The following GALNTL6 variants were observed in gnomAD, a reference collection of about 807,000 sequenced individuals.
GALNTL6 encodes the protein polypeptide N-acetylgalactosaminyltransferase like 6.
Under a neutral mutation model 73.7 loss-of-function variants are expected in GALNTL6, and 46 were observed. The ratio of observed to expected loss-of-function variants is 0.62; its 90% confidence interval spans 0.49 to 0.80. The LOEUF (loss-of-function observed/expected upper bound fraction) is 0.80. Ranked by LOEUF, GALNTL6 falls within the 30% of genes least tolerant of loss-of-function variation. The probability of loss-of-function intolerance (pLI) is 0.00; values close to 1 mark genes in which losing one functional copy is unlikely to be tolerated. For missense variants in GALNTL6, 604 were observed against 755.0 expected, an observed-to-expected ratio of 0.80 and a Z score of 2.34; for synonymous variants, 259 against 263.7, an observed-to-expected ratio of 0.98 and a Z score of 0.17.
intron 5 of GALNTL6, among the ~76,000 whole-genome samples, chr4:172,751,233 G>A (rs966365257): frequency 6.6e-5 from 10 of 152,164 alleles, no homozygotes; most frequent in African/African-American, 2.4e-4. Context: ...TTCAAAGGCT[G>A]TTGAGACTTT....
chr4:172,715,219 T>C (rs931956271), intron 5 of GALNTL6, among the ~76,000 whole-genome samples: 1 of 152,156 alleles, frequency 6.6e-6, no homozygotes, highest in African/African-American at 2.4e-5. Context: ...CATTGTCCTT[T>C]ATGAAGGTAG....
chr4:172,288,274 G>A (rs1162772874), intron 3 of GALNTL6, among the ~76,000 whole-genome samples: 2 of 151,942 alleles, frequency 1.3e-5, no homozygotes, highest in Admixed American at 6.6e-5. Flanking sequence ...TGTATTTTTA[G>A]TAGAGACGGG....
chr4:172,571,547 A>G (rs1444593486), intron 5 of GALNTL6, among the ~76,000 whole-genome samples: 2 of 152,190 alleles, frequency 1.3e-5, no homozygotes, highest in Admixed American at 6.5e-5. Flanking sequence ...CAGAGACACT[A>G]TCGAACGTAT....
At chr4:172,276,799 C>A (rs956123639) in intron 3 of GALNTL6, among the ~76,000 whole-genome samples, 1 of 151,898 alleles carries the variant, frequency 6.6e-6, no homozygotes, top group Admixed American at 6.6e-5. Context: ...TATTATCATG[C>A]AGTATATTTC....
chr4:172,738,171 C>T (rs556230098), intron 5 of GALNTL6, among the ~76,000 whole-genome samples: 6 of 152,322 alleles, frequency 3.9e-5, no homozygotes, highest in African/African-American at 1.4e-4. Flanking sequence ...AATTTGTTGA[C>T]AACCTCAATT....
chr4:171,880,412 T>G (rs951530265), intron 2 of GALNTL6, among the ~76,000 whole-genome samples: 1 of 152,230 alleles, frequency 6.6e-6, no homozygotes, highest in Non-Finnish European at 1.5e-5. Context: ...AATCAGATGT[T>G]TGTTATTCCT....
chr4:172,044,212 C>A (rs1370542531), intron 2 of GALNTL6, among the ~76,000 whole-genome samples: 1 of 151,886 alleles, frequency 6.6e-6, no homozygotes, highest in African/African-American at 2.4e-5. Flanking sequence ...TCCTTCTGGG[C>A]ACTTCCTATT....
intron 10 of GALNTL6, among the ~76,000 whole-genome samples, chr4:172,956,046 T>G (rs946928458): frequency 1.3e-5 from 2 of 152,186 alleles, no homozygotes; most frequent in African/African-American, 4.8e-5. Flanking sequence ...GGCTTAGCTT[T>G]GGCTCAGAGG....
intron 5 of GALNTL6, among the ~76,000 whole-genome samples, chr4:172,635,107 A>G (rs903500319): frequency 3.3e-5 from 5 of 152,202 alleles, no homozygotes; most frequent in Admixed American, 6.5e-5. Flanking sequence ...TTCAGTAATC[A>G]TGAAGCACTA....
intron 2 of GALNTL6, among the ~76,000 whole-genome samples, chr4:172,139,532 T>C (rs1182404482): frequency 6.6e-6 from 1 of 152,200 alleles, no homozygotes; most frequent in African/African-American, 2.4e-5. Flanking sequence ...GTAACCTTAG[T>C]TCCTGATAGA....
intron 5 of GALNTL6, among the ~76,000 whole-genome samples, chr4:172,614,434 C>T (rs887594779): frequency 9.9e-5 from 15 of 152,020 alleles, no homozygotes; most frequent in Admixed American, 3.3e-4. Context: ...TATTCTTTTT[C>T]CTATGTTTAG....
intron 2 of GALNTL6, among the ~76,000 whole-genome samples, chr4:172,038,159 C>T (rs1218064706): frequency 1.3e-5 from 2 of 151,600 alleles, no homozygotes; most frequent in African/African-American, 4.8e-5. Flanking sequence ...TTTCTCAGTC[C>T]TCTCTTACTC....
In GALNTL6 at chr4:171,853,053, C is replaced by T. The variant is rs1394604952; in HGVS notation, c.138+38335C>T. Among the ~76,000 whole-genome samples the T allele has an allele frequency of 2.7e-5, 3 of 113,178 alleles. 1 individual carries two copies. The highest frequency in any genetic ancestry group is 5.1e-5 in the Non-Finnish European group (3 of 58,604). The allele number at this position is 113,178 out of a possible 152,430, so 74.2% of individuals were successfully genotyped here. A position where few individuals can be genotyped will look rare whatever the true frequency, so the allele number is the denominator to read the frequency against. ...TTTTTTTTTGTATTTTTAGTAGAGA[C>T]GGGGTTTCACCGTGTTAGCCAGGAT... On this transcript the variant is annotated intron_variant, in intron 2 of 12. Transcript: ENST00000506823.
At chr4:172,496,320 A>T (rs953834256) in intron 5 of GALNTL6, among the ~76,000 whole-genome samples, 6 of 152,186 alleles carry the variant, frequency 3.9e-5, no homozygotes, top group Non-Finnish European at 7.3e-5. Context: ...AATTTATGAG[A>T]ATTGGCTAAA....
rs148789876 is a variant in GALNTL6 at position 172,807,032 on chromosome 4, A to T, written c.554-2329A>T. The stretch of plus-strand genomic sequence containing the variant: ...TGTATTGGTCACTCATCGCTTAGTC[A>T]TTGCCTTTGATTGTGCAGTGGTGTC... On this transcript the variant is annotated intron_variant, in intron 5 of 12. Coordinates refer to ENST00000506823, the MANE Select transcript of GALNTL6 (RefSeq NM_001034845.3). Among the ~76,000 whole-genome samples the T allele has an allele frequency of 6.2e-4, 95 of 152,328 alleles. 1 individual carries two copies. In the East Asian group the frequency reaches 0.014, roughly 23 times the overall value.
At chr4:172,143,928 C>G (rs1733863126) in intron 2 of GALNTL6, among the ~76,000 whole-genome samples, 1 of 151,994 alleles carries the variant, frequency 6.6e-6, no homozygotes, top group Non-Finnish European at 1.5e-5. Context: ...TCTGGAGGAC[C>G]TGGATTTTAT....
intron 5 of GALNTL6, among the ~76,000 whole-genome samples, chr4:172,399,321 G>C (rs1487165065): frequency 6.6e-6 from 1 of 151,650 alleles, no homozygotes; most frequent in Non-Finnish European, 1.5e-5. Context: ...TTTATTTTTG[G>C]CTAGCCTATA....
At chr4:172,175,079 ATT>A (rs376274267) in intron 2 of GALNTL6, among the ~76,000 whole-genome samples, 3 of 146,158 alleles carry the variant, frequency 2.1e-5, no homozygotes, top group Non-Finnish European at 4.5e-5. Context: ...ACAAACAAGA[ATT>A]TTTTTTTTTT....
intron 7 of GALNTL6, among the ~76,000 whole-genome samples, chr4:172,846,905 A>T (rs965069443): frequency 6.6e-6 from 1 of 152,140 alleles, no homozygotes; most frequent in Non-Finnish European, 1.5e-5. Context: ...TTATTCTGTC[A>T]TACAATATAT....
Sources: allele counts gnomAD v4.1 joint callset (sites outside exome capture counted in the v4.1 genomes callset), GRCh38; gene constraint gnomAD v4.1.1; transcripts MANE v1.5; gene names NCBI Gene and HGNC (gene_info 2026-07-23, HGNC 2026-07-21).